The following HLF variants were observed in gnomAD, a reference collection of about 807,000 sequenced individuals.
HLF encodes HLF transcription factor, PAR bZIP family member, also known as hepatic leukemia factor.
In HLF, 3 loss-of-function variants were observed where a neutral mutation model predicts 22.6. The ratio of observed to expected loss-of-function variants is 0.13; its 90% CI spans 0.06 to 0.34. The LOEUF (loss-of-function observed/expected upper bound fraction) is 0.34, where lower values mean the gene tolerates loss of function less well. HLF is among the 10% of genes least tolerant of loss of function. HLF has a pLI of 1.00. For missense variants in HLF, 299 were observed against 389.2 expected (o/e 0.77, Z 1.95); for synonymous variants, 151 against 151.8 (o/e 0.99, Z 0.04).
rs1027428438 is a variant in HLF at position 55,267,485 on chromosome 17, C to G, written c.116-266C>G. On this transcript the variant is annotated intron_variant, in intron 1 of 3. Transcript: ENST00000226067. ...TCAAATAATGTGCTGAGACTGTTCT[C>G]TGGTTTTTATCCTAGATCAGCCTGT... 9 of 380,040 alleles carry G rather than the reference C, an allele frequency of 2.4e-5. No individual in the cohort carries two copies. The South Asian group carries it at 3.5e-4, about 15-fold the overall frequency. 23.5% of individuals were successfully genotyped at this position (380,040 alleles called of 1,614,324 possible).
In HLF at chr17:55,321,260, G is replaced by A. The variant is rs972403137; in HGVS notation, c.*381G>A. On this transcript the variant is annotated 3_prime_UTR_variant, in exon 4 of 4. Coordinates refer to ENST00000226067, the MANE Select transcript of HLF (RefSeq NM_002126.5). The stretch of plus-strand genomic sequence containing the variant: ...TGTTCGAGCTTACCTACTCTTCCAG[G>A]ACTCTCTGCTTGGATTCACTAAAAA... 1.9e-5 allele frequency: 5 copies of A among 268,876 alleles called. No homozygotes were observed. In the Admixed American group the frequency reaches 2.4e-4, roughly 13 times the overall value. The allele number at this position is 268,876 out of a possible 1,614,324, so 16.7% of individuals were successfully genotyped here. A position where few individuals can be genotyped will look rare whatever the true frequency, so the allele number is the denominator to read the frequency against.
At chr17:55,293,729 G>T (rs1219318494) in intron 2 of HLF, among the ~76,000 whole-genome samples, 1 of 152,134 alleles carries the variant, frequency 6.6e-6, no homozygotes, top group East Asian at 1.9e-4. Flanking sequence ...CCACAGTCTG[G>T]CACCAAAGCC....
intron 3 of HLF, among the ~76,000 whole-genome samples, chr17:55,316,015 A>G (rs1360820182): frequency 2.0e-5 from 3 of 152,196 alleles, no homozygotes; most frequent in Non-Finnish European, 4.4e-5. Context: ...AGTAACGATC[A>G]CTTGAATATC....
intron 2 of HLF, among the ~76,000 whole-genome samples, chr17:55,300,749 C>T (rs1172126537): frequency 6.6e-6 from 1 of 152,202 alleles, no homozygotes; most frequent in Non-Finnish European, 1.5e-5. Context: ...TAGGTGAGCT[C>T]TTACCATTCC....
intron 2 of HLF, among the ~76,000 whole-genome samples, chr17:55,281,980 A>C (rs1320970042): frequency 1.3e-5 from 2 of 152,206 alleles, no homozygotes; most frequent in Non-Finnish European, 2.9e-5. Flanking sequence ...TCACCAAGCT[A>C]AATTGAATTT....
At chr17:55,296,276 C>A (rs2081110841) in intron 2 of HLF, among the ~76,000 whole-genome samples, 1 of 152,108 alleles carries the variant, frequency 6.6e-6, no homozygotes, top group Admixed American at 6.5e-5. Context: ...TGAGAATTAC[C>A]AGTGATTTTT....
At chr17:55,290,128 TAACA>T (rs2081046955) in intron 2 of HLF, among the ~76,000 whole-genome samples, 1 of 152,110 alleles carries the variant, frequency 6.6e-6, no homozygotes, top group Non-Finnish European at 1.5e-5. Context: ...CAACCAACAT[TAACA>T]GAAGGCCTTG....
At chr17:55,270,992 GC>G (rs1450048506) in intron 2 of HLF, among the ~76,000 whole-genome samples, 11 of 152,134 alleles carry the variant, frequency 7.2e-5, no homozygotes, top group South Asian at 4.1e-4. Flanking sequence ...CAGCATCGCG[GC>G]CCCTACCTCC....
At chr17:55,282,572 A>G (rs1448472182) in intron 2 of HLF, among the ~76,000 whole-genome samples, 1 of 152,224 alleles carries the variant, frequency 6.6e-6, no homozygotes, top group Non-Finnish European at 1.5e-5. Context: ...TCCAAAGAGC[A>G]CTGAACTTGG....
intron 2 of HLF, among the ~76,000 whole-genome samples, chr17:55,296,007 G>C (rs1202514881): frequency 1.3e-5 from 2 of 152,236 alleles, no homozygotes; most frequent in African/African-American, 2.4e-5. Flanking sequence ...AGAAGCAGTA[G>C]TGTAGAATGC....
intron 2 of HLF, among the ~76,000 whole-genome samples, chr17:55,298,307 G>A (rs189514242): frequency 7.5e-4 from 114 of 152,284 alleles, no homozygotes; most frequent in African/African-American, 2.7e-3. Flanking sequence ...GCAGACCACG[G>A]TGGCATTTCC....
intron 2 of HLF, among the ~76,000 whole-genome samples, chr17:55,307,645 G>A (rs1904642556): frequency 6.6e-6 from 1 of 152,108 alleles, no homozygotes; most frequent in Admixed American, 6.5e-5. Flanking sequence ...GTTAGGATCT[G>A]GGGGGTGTTA....
At chr17:55,294,154 C>T (rs560277552) in intron 2 of HLF, among the ~76,000 whole-genome samples, 18 of 152,196 alleles carry the variant, frequency 1.2e-4, no homozygotes, top group African/African-American at 4.3e-4. Context: ...GTGGCTGTGT[C>T]CCTGAGGGTG....
intron 2 of HLF, among the ~76,000 whole-genome samples, chr17:55,284,519 C>G (rs919969781): frequency 6.6e-6 from 1 of 152,158 alleles, no homozygotes; most frequent in Non-Finnish European, 1.5e-5. Flanking sequence ...TCACCTGGGC[C>G]TGGGAGTCGC....
At chr17:55,277,994 C>G (rs185698736) in intron 2 of HLF, among the ~76,000 whole-genome samples, 1 of 152,194 alleles carries the variant, frequency 6.6e-6, no homozygotes, top group Non-Finnish European at 1.5e-5. Flanking sequence ...CACTACCCAT[C>G]CAATCTCATT....
intron 2 of HLF, among the ~76,000 whole-genome samples, chr17:55,290,003 C>A (rs1451392388): frequency 6.6e-6 from 1 of 152,120 alleles, no homozygotes; most frequent in Non-Finnish European, 1.5e-5. Context: ...TACAGAATTC[C>A]AAGATATTTC....
intron 2 of HLF, among the ~76,000 whole-genome samples, chr17:55,274,319 A>T (rs1248461423): frequency 6.6e-6 from 1 of 152,212 alleles, no homozygotes; most frequent in African/African-American, 2.4e-5. Context: ...AGATGAAAAA[A>T]AGTAGAAAAT....
At chr17:55,298,937 T>C (rs2081133095) in intron 2 of HLF, among the ~76,000 whole-genome samples, 1 of 152,230 alleles carries the variant, frequency 6.6e-6, no homozygotes. Flanking sequence ...TATAGGCTGC[T>C]CTGTGGTCTT....
At chr17:55,305,139 AC>A (rs1311764460) in intron 2 of HLF, among the ~76,000 whole-genome samples, 1 of 152,096 alleles carries the variant, frequency 6.6e-6, no homozygotes, top group African/African-American at 2.4e-5. Flanking sequence ...TACATCAGAC[AC>A]CCTGTCTGCC....
Sources: allele counts gnomAD v4.1 joint callset (sites outside exome capture counted in the v4.1 genomes callset), GRCh38; gene constraint gnomAD v4.1.1; transcripts MANE v1.5; gene names NCBI Gene and HGNC (gene_info 2026-07-23, HGNC 2026-07-21).